LINGO2: variants seen among roughly 807,000 people sequenced by gnomAD.
LINGO2 encodes leucine rich repeat and Ig domain containing 2.
Under a neutral mutation model 30.6 loss-of-function variants are expected in LINGO2, and 14 were observed. The observed-to-expected ratio is 0.46, with a 90% confidence interval of 0.30 to 0.72. The LOEUF (loss-of-function observed/expected upper bound fraction) is 0.72. Ranked by LOEUF, LINGO2 falls within the 30% of genes least tolerant of loss-of-function variation. LINGO2 has a pLI of 0.07. For missense variants in LINGO2, 729 were observed against 751.7 expected, an observed-to-expected ratio of 0.97 and a Z score of 0.35; for synonymous variants, 317 against 288.5, an observed-to-expected ratio of 1.10 and a Z score of -1.00.
chr9:28,714,188 T>TATATATATATATATATAC, the LINGO2 span, among the ~76,000 whole-genome samples: 1 of 73,380 alleles, frequency 1.4e-5, no homozygotes, highest in African/African-American at 6.1e-5. Context: ...TATATATATA[T>TATATATATATATATATAC]ACACACATAC....
chr9:28,460,821 G>A (rs111351099), intron 2 of LINGO2, among the ~76,000 whole-genome samples: 3 of 152,032 alleles, frequency 2.0e-5, no homozygotes, highest in African/African-American at 7.2e-5. Context: ...GTTTGTGTGT[G>A]GGGGGAGGGG....
chr9:28,581,784 TAAA>T (rs1824270962), intron 1 of LINGO2, among the ~76,000 whole-genome samples: 1 of 151,982 alleles, frequency 6.6e-6, no homozygotes, highest in Admixed American at 6.6e-5. Context: ...TTCTGAATAT[TAAA>T]TAATTTTCTA....
At chr9:28,462,642 T>C (rs1236711969) in intron 2 of LINGO2, among the ~76,000 whole-genome samples, 1 of 152,010 alleles carries the variant, frequency 6.6e-6, no homozygotes. Flanking sequence ...CTATTATTTA[T>C]TGAAGGGATA....
At chr9:28,657,397 T>A (rs1352125246) in intron 1 of LINGO2, among the ~76,000 whole-genome samples, 1 of 152,060 alleles carries the variant, frequency 6.6e-6, no homozygotes, top group Admixed American at 6.6e-5. Context: ...ATTTTTTTCC[T>A]TGAGAAGGTT....
chr9:28,298,560 G>A (rs1372333814), intron 3 of LINGO2, among the ~76,000 whole-genome samples: 1 of 151,254 alleles, frequency 6.6e-6, no homozygotes, highest in East Asian at 1.9e-4. Context: ...GTGCATGCCT[G>A]TAATCCCAGC....
the LINGO2 span, among the ~76,000 whole-genome samples, chr9:29,059,783 T>C: frequency 1.3e-5 from 2 of 152,044 alleles, no homozygotes; most frequent in Non-Finnish European, 2.9e-5. Flanking sequence ...ACAAAAAGTA[T>C]TTGTGACTTT....
At chr9:27,970,912 G>T (rs1820322070) in intron 5 of LINGO2, among the ~76,000 whole-genome samples, 1 of 150,806 alleles carries the variant, frequency 6.6e-6, no homozygotes, top group African/African-American at 2.4e-5. Flanking sequence ...TTCTGATTTT[G>T]TAAATGGTGA....
At chr9:28,807,913 G>T in the LINGO2 span, among the ~76,000 whole-genome samples, 1 of 151,816 alleles carries the variant, frequency 6.6e-6, no homozygotes, top group Admixed American at 6.6e-5. Flanking sequence ...AATGCTAAAT[G>T]AAAGAAGAAA....
At chr9:28,417,867 T>C (rs549893446) in intron 2 of LINGO2, among the ~76,000 whole-genome samples, 2 of 152,168 alleles carry the variant, frequency 1.3e-5, no homozygotes, top group South Asian at 2.1e-4. Context: ...TGCAGAAAAA[T>C]ATATAGCAAA....
chr9:27,991,260 A>C (rs1371179416), intron 5 of LINGO2, among the ~76,000 whole-genome samples: 1 of 152,002 alleles, frequency 6.6e-6, no homozygotes, highest in African/African-American at 2.4e-5. Context: ...ATTTTTTTCC[A>C]TACTGAGGTG....
At chr9:28,653,232 C>T (rs1253186628) in intron 1 of LINGO2, among the ~76,000 whole-genome samples, 1 of 152,102 alleles carries the variant, frequency 6.6e-6, no homozygotes, top group Non-Finnish European at 1.5e-5. Flanking sequence ...GACCGCTTCA[C>T]ATATAACTAG....
At chr9:28,003,342 T>TATATATAG (rs763522694) in intron 5 of LINGO2, among the ~76,000 whole-genome samples, 2,809 of 141,698 alleles carry the variant, frequency 0.02, 39 homozygotes, top group Middle Eastern at 0.035. Flanking sequence ...TATATAGATA[T>TATATATAG]ATAGATAGAT....
At chr9:28,658,652 A>G (rs190955194) in intron 1 of LINGO2, among the ~76,000 whole-genome samples, 1 of 152,234 alleles carries the variant, frequency 6.6e-6, no homozygotes, top group Admixed American at 6.5e-5. Context: ...CAGAAAGCAT[A>G]TAGTTGGATT....
chr9:28,704,807 T>C, the LINGO2 span, among the ~76,000 whole-genome samples: 29 of 152,238 alleles, frequency 1.9e-4, no homozygotes, highest in South Asian at 1.9e-3. Context: ...TTCTTGCATA[T>C]TGTCTTAATG....
At chr9:28,274,322 G>T (rs150166814) in intron 4 of LINGO2, among the ~76,000 whole-genome samples, 4 of 151,874 alleles carry the variant, frequency 2.6e-5, no homozygotes, top group Non-Finnish European at 4.4e-5. Context: ...AGTAACCCAG[G>T]TCCACTTATG....
the LINGO2 span, among the ~76,000 whole-genome samples, chr9:28,877,269 G>T: frequency 4.6e-5 from 7 of 151,926 alleles, no homozygotes; most frequent in African/African-American, 1.7e-4. Flanking sequence ...GATCCCATTT[G>T]TCAATTTTGG....
Position 28,309,196 on chromosome 9 carries a change from A to T in LINGO2, c.-245-13830T>A, listed in dbSNP as rs183332872. ...TGGAAGCAACCCAAATGTCCAACGA[A>T]GATAGACTGGATTAAGAAAATGTGG... is the stretch of plus-strand genomic sequence containing the variant. On this transcript the variant is annotated intron_variant, in intron 3 of 5. Coordinates refer to ENST00000379992, the Ensembl canonical transcript of LINGO2. Among the ~76,000 whole-genome samples the T allele has an allele frequency of 0.015, 2,281 of 152,016 alleles. 125 individuals carry two copies. In the East Asian group the frequency reaches 0.18, roughly 12 times the overall value.
At chr9:29,083,082 G>A in the LINGO2 span, among the ~76,000 whole-genome samples, 7 of 152,004 alleles carry the variant, frequency 4.6e-5, no homozygotes, top group African/African-American at 1.5e-4. Flanking sequence ...CCCATTACTG[G>A]GTATATACCC....
At chr9:28,408,763 G>C (rs1822618565) in intron 2 of LINGO2, among the ~76,000 whole-genome samples, 1 of 108,410 alleles carries the variant, frequency 9.2e-6, no homozygotes, top group Non-Finnish European at 2.0e-5. Context: ...TAAACTTAAA[G>C]TATAAAAAAA....
Sources: gnomAD v4.1 joint callset for allele counts (sites outside exome capture counted in the v4.1 genomes callset) on GRCh38, gnomAD v4.1.1 for gene constraint, MANE v1.5 for transcripts, NCBI Gene and HGNC (gene_info 2026-07-23, HGNC 2026-07-21) for gene names.